The following PSD3 variants were observed in gnomAD, a reference collection of about 807,000 sequenced individuals.
PSD3 encodes the protein PH and SEC7 domain-containing protein 3.
In PSD3, 49 loss-of-function variants were observed where a neutral mutation model predicts 105.5. The ratio of observed to expected loss-of-function variants is 0.46; its 90% CI spans 0.37 to 0.59. The LOEUF is 0.59. Ranked by LOEUF, PSD3 falls within the 20% of genes least tolerant of loss-of-function variation. The pLI is 0.00. For missense variants in PSD3, 1,561 were observed against 1,263.8 expected, an observed-to-expected ratio of 1.24 and a Z score of -3.57; for synonymous variants, 557 against 457.8, an observed-to-expected ratio of 1.22 and a Z score of -2.77.
chr8:18,878,054 G>C (rs964026132), intron 2 of PSD3, among the ~76,000 whole-genome samples: 14 of 152,100 alleles, frequency 9.2e-5, no homozygotes, highest in African/African-American at 3.4e-4. Flanking sequence ...TACAGTACTG[G>C]CTTCTTAACA....
chr8:18,572,711 T>A, intron 13 of PSD3, 39 bp from the exon 14 acceptor site: 1 of 1,594,238 alleles, frequency 6.3e-7, no homozygotes, highest in Non-Finnish European at 8.6e-7. Context: ...GATATTGCCA[T>A]GTCTAAGTAG....
At chr8:18,877,567 G>T (rs1023798834) in intron 2 of PSD3, among the ~76,000 whole-genome samples, 2 of 145,768 alleles carry the variant, frequency 1.4e-5, no homozygotes, top group African/African-American at 5.2e-5. Flanking sequence ...TTTTTGACAG[G>T]ATCTCACTCT....
intron 9 of PSD3, among the ~76,000 whole-genome samples, chr8:18,661,990 A>AT (rs112422059): frequency 0.11 from 15,949 of 147,478 alleles, 1,019 homozygotes; most frequent in South Asian, 0.22. Flanking sequence ...ACATGCTTGA[A>AT]TTTTTTTTTT....
chr8:18,541,584 T>C (rs953360822), intron 15 of PSD3, among the ~76,000 whole-genome samples: 3 of 152,164 alleles, frequency 2.0e-5, no homozygotes, highest in African/African-American at 7.2e-5. Flanking sequence ...CCACTGCATA[T>C]TCTCTTGACC....
At chr8:18,575,370 G>C in intron 12 of PSD3, 85 bp from the exon 13 acceptor site, 2 of 1,303,418 alleles carry the variant, frequency 1.5e-6, no homozygotes, top group Non-Finnish European at 1.0e-6. Flanking sequence ...TAAAAAAATA[G>C]TTTTTAGGAA....
chr8:19,010,561 GCAACAGCCACTACAA>G (rs1826905955), intron 1 of PSD3, among the ~76,000 whole-genome samples: 2 of 152,240 alleles, frequency 1.3e-5, no homozygotes, highest in Non-Finnish European at 1.5e-5. Flanking sequence ...ATTGTAAATT[GCAACAGCCACTACAA>G]CACTACTTAA....
At position 19,040,382 on chromosome 8, in the gene PSD3, T is replaced by C. The variant is rs555651351; in HGVS notation, c.324+43824A>G. Among the ~76,000 whole-genome samples the C allele has an allele frequency of 4.1e-3, 624 of 152,144 alleles. 1 individual carries two copies. The highest frequency in any genetic ancestry group is 0.015 in the African/African-American group (607 of 41,502). ...ACCACCCCTGGCTAATTTTTGTATG[T>C]TTTGTAGAGACGGGGGTCTTGCCAT... On this transcript the variant is annotated intron_variant, in intron 1 of 1. Transcript: ENST00000521475.
chr8:18,762,692 T>C (rs758943126), intron 9 of PSD3, among the ~76,000 whole-genome samples: 6 of 152,036 alleles, frequency 3.9e-5, no homozygotes, highest in Non-Finnish European at 1.5e-5. Context: ...AATTTTAAAC[T>C]AAAAAAAGGG....
At chr8:18,792,060 A>G (rs1485736900) in intron 8 of PSD3, among the ~76,000 whole-genome samples, 2 of 152,182 alleles carry the variant, frequency 1.3e-5, no homozygotes, top group African/African-American at 4.8e-5. Context: ...AAAAGTCAAA[A>G]AACAACAGAT....
At chr8:18,656,597 T>C (rs940800914) in intron 9 of PSD3, among the ~76,000 whole-genome samples, 1 of 152,186 alleles carries the variant, frequency 6.6e-6, no homozygotes, top group African/African-American at 2.4e-5. Flanking sequence ...AAAACTTCTT[T>C]AGACCCTTGG....
chr8:18,770,989 G>C lies in PSD3; in HGVS notation c.2083-5451C>G, dbSNP rs1403004620. 2.6e-5 allele frequency among the ~76,000 whole-genome samples: 4 copies of C among 152,340 alleles called. No individual in the cohort carries two copies. In the South Asian group the frequency reaches 8.3e-4, roughly 32 times the overall value. ...GCTGAAAAGGGGACAGAGTGGGAAG[G>C]TAAATGCCACTGAAGTTTGGCTGTC... On this transcript the variant is annotated intron_variant, in intron 8 of 15. Coordinates refer to ENST00000327040, the MANE Select transcript of PSD3 (RefSeq NM_015310.4).
At chr8:18,922,155 T>C (rs921240125) in intron 2 of PSD3, among the ~76,000 whole-genome samples, 4 of 152,200 alleles carry the variant, frequency 2.6e-5, no homozygotes, top group African/African-American at 9.7e-5. Context: ...AAACATACTT[T>C]GTGAGTCAGT....
chr8:18,930,654 C>G (rs2129468480), intron 2 of PSD3, among the ~76,000 whole-genome samples: 1 of 151,880 alleles, frequency 6.6e-6, no homozygotes, highest in South Asian at 2.1e-4. Context: ...ACTGCAACCC[C>G]CACCTCCCGG....
chr8:18,867,685 A>G lies in PSD3; in HGVS notation c.1623T>C (p.Ala541=), dbSNP rs1817037590. ...SIYTKGTPEI[A]FWGSNAGVKT... is the part of the protein sequence containing the mutation. ...AATGGGACGAGTACCTTCCCCAGAA[A>G]GCAATCTCCGGGGTGCCTTTCGTGT... The change falls in exon 4 of 16, where the codon GCT becomes GCC. Residue 541 remains alanine (A), a synonymous_variant. Transcript: ENST00000327040. The G allele has an allele frequency of 6.2e-7, 1 of 1,609,552 alleles. No homozygotes were observed. Among genetic ancestry groups the G allele is most frequent in the Non-Finnish European group, 8.5e-7 (1 of 1,176,960 alleles).
intron 10 of PSD3, among the ~76,000 whole-genome samples, chr8:18,648,262 G>A (rs939908016): frequency 1.1e-4 from 16 of 152,312 alleles, no homozygotes; most frequent in Middle Eastern, 3.4e-3. Flanking sequence ...TTCTTAAATT[G>A]TTGTGACCAA....
chr8:18,748,857 G>T (rs28656462), intron 9 of PSD3, among the ~76,000 whole-genome samples: 18,841 of 152,066 alleles, frequency 0.12, 2,609 homozygotes, highest in African/African-American at 0.34. Context: ...GGTCACAGAG[G>T]TAAGCCCTGT....
intron 2 of PSD3, among the ~76,000 whole-genome samples, chr8:18,925,358 C>T (rs1294739499): frequency 1.3e-5 from 2 of 151,886 alleles, no homozygotes; most frequent in African/African-American, 4.8e-5. Flanking sequence ...TATGATTGTG[C>T]TACCACACTT....
At chr8:18,801,105 T>C (rs1810640765) in intron 7 of PSD3, 165 bp downstream of exon 7, 1 of 447,026 alleles carries the variant, frequency 2.2e-6, no homozygotes, top group Non-Finnish European at 4.0e-6. Context: ...CTAATTCCAA[T>C]TTGACATTAA....
At chr8:19,053,573 C>A (rs537086328) in intron 1 of PSD3, among the ~76,000 whole-genome samples, 1 of 152,074 alleles carries the variant, frequency 6.6e-6, no homozygotes, top group East Asian at 1.9e-4. Flanking sequence ...CCAAGGCAGC[C>A]GGATCACTTG....
Sources: gnomAD v4.1 joint callset for allele counts (sites outside exome capture counted in the v4.1 genomes callset) on GRCh38, gnomAD v4.1.1 for gene constraint, MANE v1.5 for transcripts, NCBI Gene and HGNC (gene_info 2026-07-23, HGNC 2026-07-21) for gene names.